The following SLC45A1 variants were observed in gnomAD, a reference collection of about 807,000 sequenced individuals.
SLC45A1 encodes solute carrier family 45 member 1, also known as proton-associated sugar transporter A.
Under a neutral mutation model 57.6 loss-of-function variants are expected in SLC45A1, and 28 were observed. The ratio of observed to expected loss-of-function variants is 0.49; its 90% CI spans 0.36 to 0.67. SLC45A1 has a LOEUF of 0.67. Among genes scored for constraint, SLC45A1 ranks in the 30% least tolerant of loss-of-function variants. The pLI, the probability that SLC45A1 is intolerant of heterozygous loss-of-function variation, is 0.00. For synonymous variants in SLC45A1, 459 were observed against 471.5 expected, an observed-to-expected ratio of 0.97 and a Z score of 0.34; for missense variants, 814 against 1,041.5, an observed-to-expected ratio of 0.78 and a Z score of 3.01.
At chr1:8,334,520 G>A (rs570329099) in intron 5 of SLC45A1, among the ~76,000 whole-genome samples, 2 of 152,280 alleles carry the variant, frequency 1.3e-5, no homozygotes, top group Admixed American at 1.3e-4. Flanking sequence ...GGGCAACATA[G>A]TGAGACCCCA....
Position 8,328,420 on chromosome 1 carries a change from G to C in SLC45A1, c.716-1789G>C, listed in dbSNP as rs561404666. ...CACACGTGCGCTGCTGTGGGCGAGG[G>C]AACTTCTAAAGGGGCCATGCCGGGC... On this transcript the variant is annotated intron_variant, in intron 4 of 8. Coordinates refer to ENST00000471889, the MANE Select transcript of SLC45A1 (RefSeq NM_001080397.3). The surrounding 1 kb of genome is among the most constrained non-coding windows in gnomAD (Gnocchi z 4.6). Among the ~76,000 whole-genome samples, 1 of 152,320 alleles carries C rather than the reference G, an allele frequency of 6.6e-6. No homozygotes were observed. The highest frequency in any genetic ancestry group is 1.9e-4 in the East Asian group (1 of 5,192).
chr1:8,329,212 C>G (rs1640295419), intron 4 of SLC45A1, among the ~76,000 whole-genome samples: 2 of 152,214 alleles, frequency 1.3e-5, no homozygotes, highest in Non-Finnish European at 1.5e-5. Context: ...CCAAGCCTGT[C>G]CATAGAAGTT....
At chr1:8,336,845 G>A (rs1486741836) in intron 6 of SLC45A1, among the ~76,000 whole-genome samples, 3 of 152,138 alleles carry the variant, frequency 2.0e-5, no homozygotes, top group African/African-American at 7.2e-5. Flanking sequence ...AATTCCCATG[G>A]TTCAAGGAAC....
In SLC45A1 at chr1:8,344,011, T is replaced by G; in HGVS notation, c.2245T>G (p.Ter749GlyextTer44). The change falls in exon 9 of 9, where the codon TGA (stop) becomes GGA (glycine). Residue 749 changes from the stop codon to glycine (G), a stop_lost. Transcript: ENST00000471889. ...EEHRPLLLNV[*>G] ...GCACCGGCCCCTCCTGCTGAACGTC[T>G]GACATCGCGGAGCCTCGACTCCGGA... 3.7e-6 allele frequency: 6 copies of G among 1,604,376 alleles called. No individual in the cohort carries two copies. The highest frequency in any genetic ancestry group is 5.1e-6 in the Non-Finnish European group (6 of 1,173,716).
rs1194862102 is a variant in SLC45A1, at chr1:8,343,178, G to A, written c.1981-569G>A. 6.6e-6 allele frequency among the ~76,000 whole-genome samples: 1 copy of A among 152,162 alleles called. No homozygotes were observed. The highest frequency in any genetic ancestry group is 6.5e-5 in the Admixed American group (1 of 15,276). On this transcript the variant is annotated intron_variant, in intron 8 of 8. Transcript: ENST00000471889. This position sits in a 1 kb window ranked among gnomAD's most constrained non-coding sequence, Gnocchi z 7.7. ...GGCCGGCTGGTGCTGGGGGAGCCCA[G>A]TGAGGGAAAGCCATGCCACCGCTCC...
At position 8,324,573 on chromosome 1, in the gene SLC45A1, A is replaced by C. The variant is rs1018081158; in HGVS notation, c.244A>C (p.Arg82=). Reference sequence around the variant, plus strand: ...GGACTTCGGGGACCTGCACCCCCAGAGGTCCTTCCGGGAGCTGCTTTTCAA... The same window carrying C: ...GGACTTCGGGGACCTGCACCCCCAGCGGTCCTTCCGGGAGCTGCTTTTCAA... ...LVDFGDLHPQ[R]SFRELLFNGC... Residue 82 remains arginine, a synonymous_variant, in exon 2 of 9, where the codon AGG becomes CGG. Coordinates refer to ENST00000471889, the MANE Select transcript of SLC45A1 (RefSeq NM_001080397.3). 1 of 1,592,012 alleles carries C rather than the reference A, an allele frequency of 6.3e-7. No homozygotes were observed. The highest frequency in any genetic ancestry group is 8.6e-7 in the Non-Finnish European group (1 of 1,168,342).
intron 8 of SLC45A1, among the ~76,000 whole-genome samples, chr1:8,340,769 T>C (rs1205346809): frequency 6.6e-6 from 1 of 152,156 alleles, no homozygotes; most frequent in Non-Finnish European, 1.5e-5. Context: ...ATTTCATTAT[T>C]TGGACAGGCC....
rs1288946698 is a variant in SLC45A1 at position 8,324,619 on chromosome 1, T to C, written c.290T>C (p.Ile97Thr). The change falls in exon 2 of 9, where the codon ATC (isoleucine) becomes ACC (threonine). Residue 97 changes from isoleucine (I) to threonine (T), a missense_variant. Ile to Thr is a moderately conservative substitution (Grantham distance 89, BLOSUM62 -1). Coordinates refer to ENST00000471889, the MANE Select transcript of SLC45A1 (RefSeq NM_001080397.3). ...TTCAACGGCTGCATTCTCTTTGGCATCGAGTTCAGCTACGCCATGGAGACG... is the reference window on the plus strand; with the variant it reads ...TTCAACGGCTGCATTCTCTTTGGCACCGAGTTCAGCTACGCCATGGAGACG... ...LLFNGCILFG[I>T]EFSYAMETAY... The C allele has an allele frequency of 3.7e-6, 6 of 1,611,404 alleles. No individual in the cohort carries two copies. Among genetic ancestry groups the C allele is most frequent in the Non-Finnish European group, 5.1e-6 (6 of 1,179,280 alleles).
intron 5 of SLC45A1, among the ~76,000 whole-genome samples, chr1:8,334,358 T>C (rs866871228): frequency 6.6e-6 from 1 of 152,198 alleles, no homozygotes; most frequent in South Asian, 2.1e-4. Context: ...TCAGCTTCCT[T>C]TCCCACCAGG....
intron 8 of SLC45A1, among the ~76,000 whole-genome samples, chr1:8,342,170 G>A (rs1640846945): frequency 1.3e-5 from 2 of 152,220 alleles, no homozygotes; most frequent in Non-Finnish European, 2.9e-5. Context: ...TCGTGCCACT[G>A]CACTCCAGCC....
Position 8,325,853 on chromosome 1 carries a change from C to G in SLC45A1, c.526C>G (p.Arg176Gly). The change falls in exon 4 of 9, where the codon CGG (arginine) becomes GGG (glycine). Residue 176 changes from arginine (R) to glycine (G), a missense_variant. By Grantham distance (125) the Arg-to-Gly change is moderately radical. Transcript: ENST00000471889. The surrounding 1 kb of genome is among the most constrained non-coding windows in gnomAD (Gnocchi z 6.3). ...LLGLSLLLNG[R>G]DIGIALADVT... ...GGGCCTCTCGCTCTTGCTGAATGGC[C>G]GGGACATTGGCATCGCCCTGGCTGA... 1 of 1,613,872 alleles carries G rather than the reference C, an allele frequency of 6.2e-7. No homozygotes were observed. The highest frequency in any genetic ancestry group is 8.5e-7 in the Non-Finnish European group (1 of 1,180,038).
chr1:8,328,565 G>A lies in SLC45A1; in HGVS notation c.716-1644G>A, dbSNP rs775727243. ...CTAGTAAAGTTCATCTGGGCCGGGC[G>A]TGGTGGCTCATGCATGTACTCCCAG... On this transcript the variant is annotated intron_variant, in intron 4 of 8. Coordinates refer to ENST00000471889, the MANE Select transcript of SLC45A1 (RefSeq NM_001080397.3). This position sits in a 1 kb window ranked among gnomAD's most constrained non-coding sequence, Gnocchi z 4.6. Among the ~76,000 whole-genome samples, 7 of 152,334 alleles carry A rather than the reference G, an allele frequency of 4.6e-5. No homozygotes were observed. The highest frequency in any genetic ancestry group is 6.8e-3 in the Middle Eastern group (2 of 294).
At chr1:8,338,778 AT>A (rs1236761661) in intron 7 of SLC45A1, among the ~76,000 whole-genome samples, 144 of 151,272 alleles carry the variant, frequency 9.5e-4, no homozygotes, top group African/African-American at 3.3e-3. Context: ...TTTTAAATTA[AT>A]TTTTTTTTTA....
chr1:8,341,910 TG>T (rs1640830825), intron 8 of SLC45A1, among the ~76,000 whole-genome samples: 1 of 138,422 alleles, frequency 7.2e-6, no homozygotes, highest in Non-Finnish European at 1.5e-5. Context: ...ACAGTGGCTA[TG>T]TAAATAAATA....
rs375198557 is a variant in SLC45A1, at chr1:8,336,335, G to A, written c.1597+745G>A. On this transcript the variant is annotated intron_variant, in intron 6 of 8. Coordinates refer to ENST00000471889, the MANE Select transcript of SLC45A1 (RefSeq NM_001080397.3). ...TGAGGCAGGAGAATCGCTTGAACTC[G>A]GGAGGCAGAGGTTGCAATGAGCTGA... 8.6e-5 allele frequency among the ~76,000 whole-genome samples: 13 copies of A among 151,876 alleles called. No individual in the cohort carries two copies. The East Asian group carries it at 1.4e-3, about 16-fold the overall frequency.
chr1:8,343,854 G>T lies in SLC45A1; in HGVS notation c.2088G>T (p.Gly696=), dbSNP rs1440263613. The T allele has an allele frequency of 6.2e-7, 1 of 1,614,144 alleles. No individual in the cohort carries two copies. Among genetic ancestry groups the T allele is most frequent in the Admixed American group, 1.7e-5 (1 of 60,020 alleles). ...AGATTCTGGTCTCCCTGGTCCTGGG[G>T]CCCCTGACCTCGGCCGTGGGCAGTG... The part of the protein sequence containing the change: ...LAQILVSLVL[G]PLTSAVGSAN... The change falls in exon 9 of 9, where the codon GGG becomes GGT. Residue 696 remains glycine, a synonymous_variant. Transcript: ENST00000471889. This position sits in a 1 kb window ranked among gnomAD's most constrained non-coding sequence, Gnocchi z 7.7.
At position 8,331,287 on chromosome 1, in the gene SLC45A1, A is replaced by T. The variant is rs568307954; in HGVS notation, c.1443+351A>T. The stretch of plus-strand genomic sequence containing the variant: ...AAAAACACTTTTAAAAAATATTTTT[A>T]AAAAACACTTTTAAAAAATATTTTT... On this transcript the variant is annotated intron_variant, in intron 5 of 8. Transcript: ENST00000471889. Among the ~76,000 whole-genome samples the T allele has an allele frequency of 7.7e-4, 114 of 147,706 alleles. 2 individuals carry two copies. The South Asian group carries it at 0.024, about 31-fold the overall frequency.
chr1:8,336,938 C>G (rs771615114), intron 6 of SLC45A1, among the ~76,000 whole-genome samples: 1 of 152,206 alleles, frequency 6.6e-6, no homozygotes, highest in Non-Finnish European at 1.5e-5. Flanking sequence ...CCCTCCCCTG[C>G]ACCACCCAGG....
At chr1:8,320,692 TACACA>T (rs1301246562) in intron 1 of SLC45A1, among the ~76,000 whole-genome samples, 18 of 101,316 alleles carry the variant, frequency 1.8e-4, no homozygotes, top group East Asian at 9.5e-4. Context: ...TCTCTCTCTC[TACACA>T]CACACACACA....
Sources: gnomAD v4.1 joint callset for allele counts (sites outside exome capture counted in the v4.1 genomes callset) on GRCh38, gnomAD v4.1.1 for gene constraint, Gnocchi (gnomAD v3.1) non-coding constraint, MANE v1.5 for transcripts, NCBI Gene and HGNC (gene_info 2026-07-23, HGNC 2026-07-21) for gene names.